Variants in LRRC15 observed in about 807,000 individuals in gnomAD.
LRRC15 encodes the protein leucine-rich repeat-containing protein 15.
LRRC15 carries 5 observed loss-of-function variants against 4.3 expected under a neutral mutation model. That is an observed-to-expected ratio of 1.16 (90% CI 0.61 to 2.44). The LOEUF (loss-of-function observed/expected upper bound fraction) is 2.44, where lower values mean the gene tolerates loss of function less well. LRRC15 is among the 30% of genes most tolerant of loss of function. The pLI is 0.01. For missense variants in LRRC15, 769 were observed against 747.0 expected (o/e 1.03, Z -0.34); for synonymous variants, 337 against 323.2 (o/e 1.04, Z -0.46).
In LRRC15 at chr3:194,356,534, A is replaced by G. The variant is rs1713433370; in HGVS notation, c.*2764T>C. 6.6e-6 allele frequency: 1 copy of G among 152,296 alleles called. No homozygotes were observed. Among genetic ancestry groups the G allele is most frequent in the Non-Finnish European group, 1.5e-5 (1 of 68,074 alleles). 9.4% of individuals were successfully genotyped at this position (152,296 alleles called of 1,614,324 possible). On this transcript the variant is annotated 3_prime_UTR_variant, in exon 2 of 2. Transcript: ENST00000347624. ...AGAGAGGTTGAAGGGCCCGCTGAAG[A>G]AAAGGAGGCCAATGGCTCCATCCAA...
chr3:194,362,434 A>G (rs1169592922), intron 1 of LRRC15, among the ~76,000 whole-genome samples: 1 of 152,138 alleles, frequency 6.6e-6, no homozygotes, highest in Non-Finnish European at 1.5e-5. Flanking sequence ...GAGGGCTTCA[A>G]AGTGCTTCTG....
chr3:194,364,830 A>G lies in LRRC15; in HGVS notation c.-3-3784T>C, dbSNP rs149859223. ...AGTTTCCTGTTTTCCAGCACTTTCC[A>G]CTGCTGTGGCTGGCGGCCAGGGCTC... On this transcript the variant is annotated intron_variant, in intron 1 of 1. Transcript: ENST00000347624. Among the ~76,000 whole-genome samples the G allele has an allele frequency of 2.5e-3, 384 of 152,308 alleles. 1 individual carries two copies. Among genetic ancestry groups the G allele is most frequent in the Middle Eastern group, 6.8e-3 (2 of 294 alleles).
At chr3:194,361,087 A>G in intron 1 of LRRC15, 41 bp from the exon 2 acceptor site, 1 of 1,451,438 alleles carries the variant, frequency 6.9e-7, no homozygotes, top group Non-Finnish European at 9.1e-7. Context: ...AGGGTCCTCT[A>G]CCTGACACTG....
chr3:194,359,436 CT>C lies in LRRC15; in HGVS notation c.1607del (p.Gln536ArgfsTer10). On this transcript the variant is annotated frameshift_variant, in exon 2 of 2. Transcript: ENST00000347624. LOFTEE classifies it high-confidence loss of function. ...CAATGGCGGCAATGGCCAGCCCGCT[CT>C]GGGCCTGGGTCATGCCCCAAACGCT... Reference protein sequence around the residue: ...DRSVWGMTQAQSGLAIAAIVI... With the variant: ...DRSVWGMTQAXSGLAIAAIVI... 6.2e-6 allele frequency: 10 copies of C among 1,614,190 alleles called. No individual in the cohort carries two copies. The highest frequency in any genetic ancestry group is 8.5e-6 in the Non-Finnish European group (10 of 1,180,024).
At chr3:194,363,521 C>A in intron 1 of LRRC15, 1 of 468,470 alleles carries the variant, frequency 2.1e-6, no homozygotes, top group South Asian at 3.5e-5. Flanking sequence ...AATATTCACC[C>A]TAGGAGAAGA....
rs1467002347 is a variant in LRRC15 at position 194,360,501 on chromosome 3, G to C, written c.543C>G (p.Gly181=). 34 of 1,614,034 alleles carry C rather than the reference G, an allele frequency of 2.1e-5. No individual in the cohort carries two copies. The highest frequency in any genetic ancestry group is 2.7e-5 in the Non-Finnish European group (32 of 1,180,018). Residue 181 remains glycine (G), a synonymous_variant, in exon 2 of 2, where the codon GGC becomes GGG. Transcript: ENST00000347624. ...GTGAGATGTGGGTGAGGCTATTCTTGCCCAGATTGAGCTTCGTGAGTCCTA... is the reference window on the plus strand; with the variant it reads ...GTGAGATGTGGGTGAGGCTATTCTTCCCCAGATTGAGCTTCGTGAGTCCTA... ...HLVGLTKLNL[G]KNSLTHISPR...
In LRRC15 at chr3:194,355,697, A is replaced by G. The variant is rs901800914; in HGVS notation, c.*3601T>C. The G allele has an allele frequency of 6.6e-6, 1 of 152,194 alleles. No homozygotes were observed. The highest frequency in any genetic ancestry group is 2.4e-5 in the African/African-American group (1 of 41,450). 9.4% of individuals were successfully genotyped at this position (152,194 alleles called of 1,614,324 possible). ...GCTAGGATACATCTAACATCTGTCG[A>G]CCAACTCTGGGTCCCGAGTTATCTC... On this transcript the variant is annotated 3_prime_UTR_variant, in exon 2 of 2. Transcript: ENST00000347624.
chr3:194,363,417 A>G, intron 1 of LRRC15: 1 of 693,164 alleles, frequency 1.4e-6, no homozygotes, highest in Non-Finnish European at 2.6e-6. Context: ...ACACATCTGA[A>G]AAAAAGTAAA....
chr3:194,361,931 C>G (rs189795512), intron 1 of LRRC15, among the ~76,000 whole-genome samples: 1 of 152,140 alleles, frequency 6.6e-6, no homozygotes, highest in Non-Finnish European at 1.5e-5. Flanking sequence ...AGCTGGTGCC[C>G]GAAGCCAGCC....
In LRRC15 at chr3:194,357,238, C is replaced by A. The variant is rs909729715; in HGVS notation, c.*2060G>T. On this transcript the variant is annotated 3_prime_UTR_variant, in exon 2 of 2. Coordinates refer to ENST00000347624, the MANE Select transcript of LRRC15 (RefSeq NM_130830.5). ...AGGATGTCACAGGTGTCTTGTGGAG[C>A]GGGGAGCTAATAAGAGCCGATCGGG... 6.6e-6 allele frequency: 1 copy of A among 151,770 alleles called. No individual in the cohort carries two copies. Among genetic ancestry groups the A allele is most frequent in the Admixed American group, 6.6e-5 (1 of 15,240 alleles). 9.4% of individuals were successfully genotyped at this position (151,770 alleles called of 1,614,324 possible).
intron 1 of LRRC15, among the ~76,000 whole-genome samples, chr3:194,363,582 C>T (rs1320535858): frequency 3.3e-5 from 5 of 152,148 alleles, no homozygotes; most frequent in Non-Finnish European, 7.4e-5. Context: ...CCCACAAAAG[C>T]TAGTGTGGTC....
intron 1 of LRRC15, among the ~76,000 whole-genome samples, chr3:194,368,272 C>A (rs34461611): frequency 1.3e-5 from 2 of 152,110 alleles, no homozygotes; most frequent in Non-Finnish European, 2.9e-5. Flanking sequence ...GCTCCTCCCC[C>A]ACCCCTTATT....
intron 1 of LRRC15, among the ~76,000 whole-genome samples, chr3:194,367,070 G>A (rs1427374427): frequency 1.3e-5 from 2 of 152,202 alleles, no homozygotes; most frequent in Non-Finnish European, 2.9e-5. Flanking sequence ...GATTCGCCAA[G>A]GGCAAGTGCT....
rs997448555 is a variant in LRRC15, at chr3:194,355,611, G to A, written c.*3687C>T. 1 of 152,186 alleles carries A rather than the reference G, an allele frequency of 6.6e-6. No homozygotes were observed. The highest frequency in any genetic ancestry group is 1.5e-5 in the Non-Finnish European group (1 of 68,044). 9.4% of individuals were successfully genotyped at this position (152,186 alleles called of 1,614,324 possible). ...AGGCCACTGCTGGCTTCCCAACAAC[G>A]CAGATTCAGTTCTGACTGTGGGATC... is the stretch of plus-strand genomic sequence containing the variant. On this transcript the variant is annotated 3_prime_UTR_variant, in exon 2 of 2. Transcript: ENST00000347624.
intron 1 of LRRC15, chr3:194,363,284 C>G (rs1713687019): frequency 4.5e-6 from 3 of 665,044 alleles, no homozygotes; most frequent in Non-Finnish European, 8.3e-6. Context: ...GAAGCCCTGA[C>G]CTGCTATACT....
rs1482982605 is a variant in LRRC15 at position 194,359,506 on chromosome 3, T to C, written c.1538A>G (p.Glu513Gly). The C allele has an allele frequency of 1.9e-5, 30 of 1,614,080 alleles. No individual in the cohort carries two copies. The highest frequency in any genetic ancestry group is 2.5e-5 in the Non-Finnish European group (29 of 1,180,036). ...SSTTELTSPV[E>G]DYTDLTTIQV... ...AATGGTAGTCAGATCAGTGTAGTCT[T>C]CCACAGGGCTGGTTAGCTCAGTGGT... Residue 513 changes from glutamate (E) to glycine (G), a missense_variant, in exon 2 of 2, where the codon GAA (glutamate) becomes GGA (glycine). Physicochemically the swap from Glu to Gly is moderately conservative, Grantham distance 98. Transcript: ENST00000347624.
chr3:194,362,384 G>A (rs1713655274), intron 1 of LRRC15, among the ~76,000 whole-genome samples: 1 of 152,128 alleles, frequency 6.6e-6, no homozygotes, highest in South Asian at 2.1e-4. Flanking sequence ...CTTGTTCCAT[G>A]CTTATCCACA....
rs554734320 is a variant in LRRC15 at position 194,359,831 on chromosome 3, G to T, written c.1213C>A (p.Pro405Thr). 3 of 1,614,046 alleles carry T rather than the reference G, an allele frequency of 1.9e-6. No individual in the cohort carries two copies. The Admixed American group carries it at 5.0e-5, about 27-fold the overall frequency. The change falls in exon 2 of 2, where the codon CCC (proline) becomes ACC (threonine). Residue 405 changes from proline to threonine, a missense_variant. Coordinates refer to ENST00000347624, the MANE Select transcript of LRRC15 (RefSeq NM_130830.5). ...QLQNNQLENLPLGIFDHLGKL... is the reference protein window; with the variant it reads ...QLQNNQLENLTLGIFDHLGKL... ...CCCAGGTGATCGAAGATGCCGAGGG[G>T]CAAGTTCTCCAGCTGGTTGTTCTGC...
chr3:194,360,690 G>A lies in LRRC15; in HGVS notation c.354C>T (p.Ile118=), dbSNP rs146245279. ...GGCTGTCCAGGCCCTGGAAGAGGCC[G>A]ATGGGCAGAACCTGCAGCTTGTTGT... The part of the protein sequence containing the change: ...LANNKLQVLP[I]GLFQGLDSLE... Residue 118 remains isoleucine (I), a synonymous_variant, in exon 2 of 2, where the codon ATC becomes ATT. Transcript: ENST00000347624. 217 of 1,614,100 alleles carry A rather than the reference G, an allele frequency of 1.3e-4. No homozygotes were observed. The highest frequency in any genetic ancestry group is 3.3e-4 in the South Asian group (30 of 91,090).
Sources: allele counts gnomAD v4.1 joint callset (sites outside exome capture counted in the v4.1 genomes callset), GRCh38; gene constraint gnomAD v4.1.1; transcripts MANE v1.5; gene names NCBI Gene and HGNC (gene_info 2026-07-23, HGNC 2026-07-21).